Variants in ATXN8OS observed in about 807,000 individuals in gnomAD.
ATXN8OS encodes the protein ATXN8 opposite strand (non-protein coding).
At chr13:70,114,360 T>C (rs567961405) in intron 1 of ATXN8OS, among the ~76,000 whole-genome samples, 203 of 152,172 alleles carry the variant, frequency 1.3e-3, no homozygotes, top group African/African-American at 4.4e-3. Context: ...TCTTTATTGC[T>C]CAAAGGAAAT....
At chr13:70,153,805 A>T (rs1888903222) in intron 4 of ATXN8OS, among the ~76,000 whole-genome samples, 1 of 151,842 alleles carries the variant, frequency 6.6e-6, no homozygotes, top group Non-Finnish European at 1.5e-5. Flanking sequence ...TCAACCTCCC[A>T]AGCAGCTAGG....
intron 4 of ATXN8OS, among the ~76,000 whole-genome samples, chr13:70,162,114 T>A (rs567995969): frequency 2.6e-5 from 4 of 151,992 alleles, no homozygotes; most frequent in African/African-American, 9.7e-5. Context: ...AGGGTGCACA[T>A]TGAGTTAAAA....
chr13:70,170,921 C>A (rs369733505), exon 5 of ATXN8OS, among the ~76,000 whole-genome samples: 5 of 152,104 alleles, frequency 3.3e-5, no homozygotes, highest in African/African-American at 1.2e-4. Context: ...GGACATTTAA[C>A]ACAATGGTGA....
intron 2 of ATXN8OS, among the ~76,000 whole-genome samples, chr13:70,125,868 C>CT (rs1888426063): frequency 6.6e-6 from 1 of 152,118 alleles, no homozygotes; most frequent in African/African-American, 2.4e-5. Flanking sequence ...AGAATACCTG[C>CT]TCTGCTTCTC....
chr13:70,141,193 C>T (rs1888709639), intron 3 of ATXN8OS, among the ~76,000 whole-genome samples: 1 of 152,106 alleles, frequency 6.6e-6, no homozygotes, highest in Non-Finnish European at 1.5e-5. Context: ...TTTCTTTGCT[C>T]TTATCTGTTA....
At chr13:70,129,717 C>T (rs548992199) in intron 2 of ATXN8OS, 3 of 397,950 alleles carry the variant, frequency 7.5e-6, no homozygotes, top group South Asian at 1.3e-4. Context: ...TACAGACTAG[C>T]AAAATATTAT....
intron 1 of ATXN8OS, among the ~76,000 whole-genome samples, chr13:70,114,534 T>G (rs986520780): frequency 6.6e-6 from 1 of 152,166 alleles, no homozygotes; most frequent in African/African-American, 2.4e-5. Context: ...GCAAAAGGAA[T>G]GATGAGTTTT....
At chr13:70,107,743 T>G (rs766748389), upstream of ATXN8OS, 2 of 1,435,124 alleles carry the variant, frequency 1.4e-6, no homozygotes, top group South Asian at 2.8e-5. Context: ...CACGCAGGAG[T>G]AGGCTGGTCA....
At chr13:70,139,538 AG>A in intron 3 of ATXN8OS, 1 of 494,974 alleles carries the variant, frequency 2.0e-6, no homozygotes, top group Admixed American at 3.1e-5. Flanking sequence ...TTATGAATAA[AG>A]AATTGATTTT....
chr13:70,156,889 A>G (rs1490467288), intron 4 of ATXN8OS, among the ~76,000 whole-genome samples: 1 of 152,186 alleles, frequency 6.6e-6, no homozygotes, highest in East Asian at 1.9e-4. Context: ...ATCAGTAGTC[A>G]TGGAAGACAG....
At chr13:70,108,187 G>A (rs1258190291) in intron 1 of ATXN8OS, 1 of 397,212 alleles carries the variant, frequency 2.5e-6, no homozygotes, top group Non-Finnish European at 4.4e-6. Context: ...TCAGTGTCTG[G>A]AGAGCGCAGA....
In ATXN8OS at chr13:70,129,885, G is replaced by C. The variant is rs772715854; in HGVS notation, n.499+1G>C. ...TGGCTCAGAGTCAAGCGGGAACAAGGTAAAAACATCAAAAGGTTGTACTGG... is the reference window on the plus strand; with the variant it reads ...TGGCTCAGAGTCAAGCGGGAACAAGCTAAAAACATCAAAAGGTTGTACTGG... On this transcript the variant is annotated splice_donor_variant and non_coding_transcript_variant, in intron 3 of 4. Transcript: ENST00000678624. 3 of 398,340 alleles carry C rather than the reference G, an allele frequency of 7.5e-6. No individual in the cohort carries two copies. In the East Asian group the frequency reaches 1.1e-4, roughly 14 times the overall value. The allele number at this position is 398,340 out of a possible 1,614,324, so 24.7% of individuals were successfully genotyped here.
chr13:70,155,097 A>T (rs1888920092), intron 4 of ATXN8OS, among the ~76,000 whole-genome samples: 2 of 152,194 alleles, frequency 1.3e-5, no homozygotes, highest in African/African-American at 4.8e-5. Flanking sequence ...GCCTGAGTGC[A>T]TTCAATAAAG....
chr13:70,120,151 G>T (rs1328615), intron 2 of ATXN8OS, among the ~76,000 whole-genome samples: 1 of 151,890 alleles, frequency 6.6e-6, no homozygotes, highest in Admixed American at 6.6e-5. Context: ...TACCATGGAG[G>T]TTATGGGAGT....
At chr13:70,115,770 T>C (rs1888270682) in intron 2 of ATXN8OS, among the ~76,000 whole-genome samples, 1 of 152,126 alleles carries the variant, frequency 6.6e-6, no homozygotes, top group Admixed American at 6.5e-5. Flanking sequence ...TATAATACTT[T>C]TTTTAAAAAG....
chr13:70,133,146 C>T (rs886622899), intron 3 of ATXN8OS, among the ~76,000 whole-genome samples: 4 of 152,210 alleles, frequency 2.6e-5, no homozygotes, highest in African/African-American at 9.6e-5. Flanking sequence ...AGGCTCACGC[C>T]TGTAATCCTA....
At chr13:70,155,771 C>CT (rs1185057185) in intron 4 of ATXN8OS, among the ~76,000 whole-genome samples, 2 of 122,714 alleles carry the variant, frequency 1.6e-5, no homozygotes, top group African/African-American at 3.9e-5. Flanking sequence ...TACAATATTC[C>CT]ATTTTTTTTT....
rs10599624 is a variant in ATXN8OS, at chr13:70,138,323, TAAA to T, written n.499+8450_499+8452del. ...CCTGAAGATGAGACCAGATTTAAATTAAAAAAAAAAAAAGTTAACTTTCATTAC... is the reference window on the plus strand; with the variant it reads ...CCTGAAGATGAGACCAGATTTAAATTAAAAAAAAAAGTTAACTTTCATTAC... On this transcript the variant is annotated intron_variant and non_coding_transcript_variant, in intron 3 of 4. Transcript: ENST00000678624. Among the ~76,000 whole-genome samples, 120 of 150,896 alleles carry T rather than the reference TAAA, an allele frequency of 8.0e-4. 3 individuals are homozygous for T. The Middle Eastern group carries it at 0.028, about 35-fold the overall frequency.
chr13:70,157,190 T>C (rs1040511136), intron 4 of ATXN8OS, among the ~76,000 whole-genome samples: 2 of 152,118 alleles, frequency 1.3e-5, no homozygotes, highest in African/African-American at 4.8e-5. Flanking sequence ...GATATATATT[T>C]TACTATATCA....
Sources: gnomAD v4.1 joint callset for allele counts (sites outside exome capture counted in the v4.1 genomes callset) on GRCh38, gnomAD v4.1.1 for gene constraint, MANE v1.5 for transcripts, NCBI Gene and HGNC (gene_info 2026-07-23, HGNC 2026-07-21) for gene names.